Variants in SHROOM2 observed in about 807,000 individuals in gnomAD.
SHROOM2 encodes the protein shroom family member 2.
In SHROOM2, 33 loss-of-function variants were observed where a neutral mutation model predicts 75.9. That is an observed-to-expected ratio of 0.43 (90% CI 0.33 to 0.58). SHROOM2 has a LOEUF of 0.58. Ranked by LOEUF, SHROOM2 falls within the 20% of genes least tolerant of loss-of-function variation. The pLI is 0.04. For missense variants in SHROOM2, 1,434 were observed against 1,461.2 expected (o/e 0.98, Z 0.30); for synonymous variants, 655 against 663.6 (o/e 0.99, Z 0.20).
chrX:9,890,887 T>C (rs2084287273), intron 2 of SHROOM2, 90 bp from the exon 3 acceptor site: 1 of 935,975 alleles, frequency 1.1e-6, no homozygotes, highest in Non-Finnish European at 1.5e-6. Context: ...GTGCCCTGTG[T>C]GCGGTCCCCA....
intron 1 of SHROOM2, chrX:9,818,561 C>A: frequency 3.3e-6 from 1 of 306,382 alleles, no homozygotes; most frequent in East Asian, 8.3e-5. Flanking sequence ...CATTGCTACC[C>A]CACACGTAAA....
intron 5 of SHROOM2, among the ~76,000 whole-genome samples, chrX:9,908,073 C>G (rs2084401181): frequency 8.9e-6 from 1 of 112,564 alleles, no homozygotes; most frequent in South Asian, 3.6e-4. Context: ...TGTAATAGTT[C>G]GCGATTATCT....
At chrX:9,933,119 C>T (rs2084667963) in intron 6 of SHROOM2, among the ~76,000 whole-genome samples, 2 of 111,061 alleles carry the variant, frequency 1.8e-5, no homozygotes, top group South Asian at 7.7e-4. Flanking sequence ...ATACATCTTC[C>T]CCTTCCTCCA....
In SHROOM2 at chrX:9,949,174, A is replaced by G. The variant is rs2084849905; in HGVS notation, c.*2237A>G. The G allele has an allele frequency of 8.1e-6, 2 of 246,731 alleles. No homozygotes were observed. Among genetic ancestry groups the G allele is most frequent in the African/African-American group, 2.9e-5 (1 of 34,901 alleles). 20.3% of individuals were successfully genotyped at this position (246,731 alleles called of 1,213,427 possible). ...GGGACCCAAAGATTCTAGTGAGTCAACATCCATAACTCTGTATCTAGTTGT... is the reference window on the plus strand; with the variant it reads ...GGGACCCAAAGATTCTAGTGAGTCAGCATCCATAACTCTGTATCTAGTTGT... On this transcript the variant is annotated 3_prime_UTR_variant, in exon 10 of 10. Coordinates refer to ENST00000380913, the MANE Select transcript of SHROOM2 (RefSeq NM_001649.4).
chrX:9,808,728 A>G lies in SHROOM2; in HGVS notation c.165+22018A>G, dbSNP rs1281947756. 3.6e-5 allele frequency among the ~76,000 whole-genome samples: 4 copies of G among 110,012 alleles called. No homozygotes were observed. The South Asian group carries it at 1.2e-3, about 33-fold the overall frequency. Reference sequence around the variant, plus strand: ...AATACAAAAATTAGCCAGGCGTGGTATCAGGCGCCTATAATCCCAGCTACT... The same window carrying G: ...AATACAAAAATTAGCCAGGCGTGGTGTCAGGCGCCTATAATCCCAGCTACT... On this transcript the variant is annotated intron_variant, in intron 1 of 9. Coordinates refer to ENST00000380913, the MANE Select transcript of SHROOM2 (RefSeq NM_001649.4).
chrX:9,862,711 C>T (rs1286005790), intron 1 of SHROOM2, among the ~76,000 whole-genome samples: 1 of 112,332 alleles, frequency 8.9e-6, no homozygotes, highest in Non-Finnish European at 1.9e-5. Flanking sequence ...CCGCCCTCTG[C>T]TGATGGTGCT....
chrX:9,797,427 A>G (rs561396957), intron 1 of SHROOM2, among the ~76,000 whole-genome samples: 2 of 112,545 alleles, frequency 1.8e-5, no homozygotes, highest in African/African-American at 6.4e-5. Context: ...GTAACAGACT[A>G]TTCTCACAAA....
At chrX:9,803,318 G>A (rs1043721669) in intron 1 of SHROOM2, among the ~76,000 whole-genome samples, 1 of 111,399 alleles carries the variant, frequency 9.0e-6, no homozygotes. Context: ...AGCCACATGA[G>A]CCATACAAAG....
At chrX:9,866,857 A>G (rs2084141838) in intron 1 of SHROOM2, among the ~76,000 whole-genome samples, 1 of 109,502 alleles carries the variant, frequency 9.1e-6, no homozygotes, top group African/African-American at 3.3e-5. Context: ...CTGCACACAC[A>G]CTCATGCCTC....
chrX:9,852,562 T>C (rs1214934407), intron 1 of SHROOM2, among the ~76,000 whole-genome samples: 1 of 112,512 alleles, frequency 8.9e-6, no homozygotes, highest in Non-Finnish European at 1.9e-5. Flanking sequence ...ATTTTACAGG[T>C]GTGATATTGA....
chrX:9,857,638 C>T (rs1024745646), intron 1 of SHROOM2, among the ~76,000 whole-genome samples: 42 of 111,320 alleles, frequency 3.8e-4, no homozygotes, highest in Non-Finnish European at 7.2e-4. Context: ...ATCCTCCTGC[C>T]TTGGCCTCCC....
At chrX:9,794,024 C>T (rs1455774953) in intron 1 of SHROOM2, among the ~76,000 whole-genome samples, 3 of 112,233 alleles carry the variant, frequency 2.7e-5, no homozygotes, top group African/African-American at 3.2e-5. Context: ...AGATTACAGG[C>T]GTGAGCAACT....
chrX:9,824,720 C>G (rs1601929287), intron 1 of SHROOM2, among the ~76,000 whole-genome samples: 1 of 112,046 alleles, frequency 8.9e-6, no homozygotes, highest in Non-Finnish European at 1.9e-5. Flanking sequence ...CTGTAGCCCG[C>G]TGTGCTTCTG....
rs2083615195 is a variant in SHROOM2 at position 9,786,694 on chromosome X, C to G, written c.149C>G (p.Pro50Arg). Reference sequence around the variant, plus strand: ...AAGGGCGGCCGCGAGCACGGCGAGCCGCTGGTCATCACCAAGGTAAGGCGG... The same window carrying G: ...AAGGGCGGCCGCGAGCACGGCGAGCGGCTGGTCATCACCAAGGTAAGGCGG... ...TLKGGREHGEPLVITKIEEGS... is the reference protein window; with the variant it reads ...TLKGGREHGERLVITKIEEGS... The change falls in exon 1 of 10, where the codon CCG (proline) becomes CGG (arginine). Residue 50 changes from proline (P) to arginine (R), a missense_variant. Physicochemically the swap from Pro to Arg is moderately radical, Grantham distance 103 (BLOSUM62 -2). Transcript: ENST00000380913. 1 of 887,082 alleles carries G rather than the reference C, an allele frequency of 1.1e-6. No homozygotes were observed. Among genetic ancestry groups the G allele is most frequent in the African/African-American group, 2.1e-5 (1 of 47,040 alleles). The allele number at this position is 887,082 out of a possible 1,213,427, so 73.1% of individuals were successfully genotyped here. A position where few individuals can be genotyped will look rare whatever the true frequency, so the allele number is the denominator to read the frequency against.
At chrX:9,851,396 C>T (rs1039604645) in intron 1 of SHROOM2, among the ~76,000 whole-genome samples, 2 of 106,282 alleles carry the variant, frequency 1.9e-5, no homozygotes, top group Admixed American at 1.0e-4. Flanking sequence ...CACGTGGCAA[C>T]AGTACCTTTT....
chrX:9,827,223 C>CT (rs397953893), intron 1 of SHROOM2, among the ~76,000 whole-genome samples: 897 of 60,131 alleles, frequency 0.015, 33 homozygotes, highest in African/African-American at 0.061. Flanking sequence ...TTTTCTTTTT[C>CT]TTTTTTTTTT....
intron 1 of SHROOM2, among the ~76,000 whole-genome samples, chrX:9,814,855 C>T (rs778194604): frequency 1.8e-5 from 2 of 111,850 alleles, no homozygotes; most frequent in African/African-American, 6.5e-5. Context: ...TAACAGTAGA[C>T]ACCTGGCGAG....
chrX:9,806,656 A>G (rs1272298304), intron 1 of SHROOM2, among the ~76,000 whole-genome samples: 2 of 89,294 alleles, frequency 2.2e-5, no homozygotes, highest in East Asian at 6.8e-4. Flanking sequence ...CCTCCAGTGT[A>G]TATATATGTG....
At chrX:9,911,724 G>A (rs1298802363) in intron 5 of SHROOM2, among the ~76,000 whole-genome samples, 2 of 111,808 alleles carry the variant, frequency 1.8e-5, no homozygotes, top group African/African-American at 6.5e-5. Context: ...CACACTCAAA[G>A]TTCCGGAAAC....
Sources: allele counts gnomAD v4.1 joint callset (sites outside exome capture counted in the v4.1 genomes callset), GRCh38; gene constraint gnomAD v4.1.1; transcripts MANE v1.5; gene names NCBI Gene and HGNC (gene_info 2026-07-23, HGNC 2026-07-21).